The following RCAN2 variants were observed in gnomAD, a reference collection of about 807,000 sequenced individuals.
RCAN2 encodes calcipressin-2.
In RCAN2, 9 loss-of-function variants were observed where a neutral mutation model predicts 23.6. That is an observed-to-expected ratio of 0.38 (90% CI 0.23 to 0.67). RCAN2 has a LOEUF of 0.67. RCAN2 is among the 30% of genes least tolerant of loss of function. The pLI is 0.51. For missense variants in RCAN2, 273 were observed against 302.3 expected (o/e 0.90, Z 0.72); for synonymous variants, 109 against 115.7 (o/e 0.94, Z 0.37).
upstream of RCAN2, among the ~76,000 whole-genome samples, chr6:46,491,630 G>C (rs975797466): frequency 6.6e-6 from 1 of 151,782 alleles, no homozygotes; most frequent in East Asian, 2.0e-4. Flanking sequence ...CCGCACCTCC[G>C]GGGCTCTCAC....
chr6:46,279,085 C>T (rs1466852064), intron 2 of RCAN2, among the ~76,000 whole-genome samples: 3 of 149,400 alleles, frequency 2.0e-5, no homozygotes, highest in Non-Finnish European at 4.4e-5. Context: ...TTTGTTCTTA[C>T]CCTTGAATAG....
chr6:46,294,463 A>C (rs1172818479), intron 2 of RCAN2, among the ~76,000 whole-genome samples: 1 of 152,186 alleles, frequency 6.6e-6, no homozygotes, highest in African/African-American at 2.4e-5. Flanking sequence ...ATTTCTAGTA[A>C]TTGATCTCAA....
intron 2 of RCAN2, among the ~76,000 whole-genome samples, chr6:46,362,939 A>T (rs1054307092): frequency 3.3e-5 from 5 of 152,194 alleles, no homozygotes; most frequent in African/African-American, 1.2e-4. Context: ...TATACCTGGT[A>T]CCTGTATTGT....
At chr6:46,312,741 T>C (rs1271047890) in intron 2 of RCAN2, among the ~76,000 whole-genome samples, 1 of 152,222 alleles carries the variant, frequency 6.6e-6, no homozygotes, top group Admixed American at 6.5e-5. Flanking sequence ...GCAATCAACA[T>C]AATTCAAGGA....
At chr6:46,261,650 G>A (rs1312435567) in intron 2 of RCAN2, among the ~76,000 whole-genome samples, 2 of 152,050 alleles carry the variant, frequency 1.3e-5, no homozygotes, top group East Asian at 3.9e-4. Flanking sequence ...ACTCGTACCT[G>A]TATATAATCT....
chr6:46,470,354 T>C (rs755572235), intron 1 of RCAN2, among the ~76,000 whole-genome samples: 1 of 152,182 alleles, frequency 6.6e-6, no homozygotes, highest in Non-Finnish European at 1.5e-5. Context: ...ATCCCATATA[T>C]ATAAAACTGG....
intron 1 of RCAN2, among the ~76,000 whole-genome samples, chr6:46,489,675 T>A (rs1001854151): frequency 6.6e-6 from 1 of 152,176 alleles, no homozygotes; most frequent in Non-Finnish European, 1.5e-5. Flanking sequence ...TTTAGGTGAG[T>A]TCTGGAGGAC....
At chr6:46,263,229 A>G (rs916060019) in intron 2 of RCAN2, among the ~76,000 whole-genome samples, 1 of 152,210 alleles carries the variant, frequency 6.6e-6, no homozygotes. Context: ...CTTCAAAGCT[A>G]TCCTTCAACC....
intron 2 of RCAN2, among the ~76,000 whole-genome samples, chr6:46,306,279 A>G (rs1201553991): frequency 6.6e-6 from 1 of 152,024 alleles, no homozygotes; most frequent in Non-Finnish European, 1.5e-5. Flanking sequence ...TGTTCAGTAC[A>G]TTTCTCCTCC....
At position 46,221,063 on chromosome 6, in the gene RCAN2, T is replaced by C. The variant is rs759982546; in HGVS notation, c.*2078A>G. 3.9e-5 allele frequency: 6 copies of C among 152,330 alleles called. No homozygotes were observed. Among genetic ancestry groups the C allele is most frequent in the Non-Finnish European group, 7.4e-5 (5 of 68,012 alleles). 9.4% of individuals were successfully genotyped at this position (152,330 alleles called of 1,614,324 possible). On this transcript the variant is annotated 3_prime_UTR_variant, in exon 5 of 5. Coordinates refer to ENST00000371374, the MANE Select transcript of RCAN2 (RefSeq NM_001251974.2). ...ACAGGTTAACATTGACACAGAGCAA[T>C]AAGTTTTACTAAGACTAACTCCAGA...
intron 2 of RCAN2, among the ~76,000 whole-genome samples, chr6:46,326,887 A>G (rs1454631754): frequency 1.3e-5 from 2 of 152,182 alleles, no homozygotes; most frequent in Non-Finnish European, 2.9e-5. Context: ...TTCCCCTTCA[A>G]CAAGGCATTT....
At chr6:46,482,311 C>A (rs537405681) in intron 1 of RCAN2, among the ~76,000 whole-genome samples, 39 of 152,064 alleles carry the variant, frequency 2.6e-4, no homozygotes, top group African/African-American at 8.9e-4. Context: ...TACCAGTCCC[C>A]TTTTTTGGAA....
At chr6:46,263,561 A>ATGTGTGTGTGTGTGTGTGTGTG (rs1561834156) in intron 2 of RCAN2, among the ~76,000 whole-genome samples, 1 of 56,152 alleles carries the variant, frequency 1.8e-5, no homozygotes, top group Non-Finnish European at 5.9e-5. Context: ...GTGTGTGTGT[A>ATGTGTGTGTGTGTGTGTGTGTG]TGTGTGTGTG....
intron 2 of RCAN2, among the ~76,000 whole-genome samples, chr6:46,452,305 C>A (rs1445962229): frequency 2.0e-5 from 3 of 152,138 alleles, no homozygotes; most frequent in Non-Finnish European, 4.4e-5. Context: ...ATACTTACAC[C>A]AATCTAGATG....
At chr6:46,427,490 T>C (rs1767062619) in intron 2 of RCAN2, among the ~76,000 whole-genome samples, 1 of 152,216 alleles carries the variant, frequency 6.6e-6, no homozygotes, top group South Asian at 2.1e-4. Flanking sequence ...ATGCCAGGAA[T>C]ATAGTGTTCA....
At chr6:46,225,363 C>T (rs895674911) in intron 4 of RCAN2, among the ~76,000 whole-genome samples, 1 of 152,234 alleles carries the variant, frequency 6.6e-6, no homozygotes, top group African/African-American at 2.4e-5. Flanking sequence ...GCCACACTGT[C>T]TTCCACAAAG....
At chr6:46,284,751 G>A (rs1169336219) in intron 2 of RCAN2, among the ~76,000 whole-genome samples, 1 of 152,196 alleles carries the variant, frequency 6.6e-6, no homozygotes, top group Non-Finnish European at 1.5e-5. Flanking sequence ...AGCTACTCCT[G>A]CCTACTGTAT....
At chr6:46,420,035 A>T (rs893210113) in intron 2 of RCAN2, among the ~76,000 whole-genome samples, 5 of 152,198 alleles carry the variant, frequency 3.3e-5, no homozygotes, top group Non-Finnish European at 7.3e-5. Flanking sequence ...CGCAGACAAG[A>T]CTTAAATTAT....
intron 2 of RCAN2, among the ~76,000 whole-genome samples, chr6:46,420,342 G>C (rs1766846525): frequency 6.6e-6 from 1 of 152,086 alleles, no homozygotes. Context: ...TATTTGCAAG[G>C]AGTGGTTCTG....
Sources: allele counts gnomAD v4.1 joint callset (sites outside exome capture counted in the v4.1 genomes callset), GRCh38; gene constraint gnomAD v4.1.1; transcripts MANE v1.5; gene names NCBI Gene and HGNC (gene_info 2026-07-23, HGNC 2026-07-21).